Variants in PCSK2 observed in about 807,000 individuals in gnomAD.
The protein encoded by PCSK2 is proprotein convertase subtilisin/kexin type 2.
A neutral mutation model predicts 69.7 loss-of-function variants in PCSK2; 14 were observed. The ratio of observed to expected loss-of-function variants is 0.20; its 90% CI spans 0.13 to 0.31. The LOEUF is 0.31. Ranked by LOEUF, PCSK2 falls within the 10% of genes least tolerant of loss-of-function variation. The pLI, the probability that PCSK2 is intolerant of heterozygous loss-of-function variation, is 1.00. For missense variants in PCSK2, 544 were observed against 842.5 expected (o/e 0.65, Z 4.39); for synonymous variants, 307 against 320.7 (o/e 0.96, Z 0.46).
chr20:17,256,901 T>C (rs536151450), intron 1 of PCSK2, among the ~76,000 whole-genome samples: 6 of 152,274 alleles, frequency 3.9e-5, no homozygotes, highest in African/African-American at 1.4e-4. Context: ...GTTAGTTGAC[T>C]GAGAATGATG....
intron 2 of PCSK2, among the ~76,000 whole-genome samples, chr20:17,311,564 G>A (rs946988712): frequency 7.9e-5 from 12 of 152,124 alleles, no homozygotes; most frequent in Admixed American, 5.9e-4. Flanking sequence ...ACATGAAGAA[G>A]TTCTCAGCTT....
At chr20:17,350,037 C>CA (rs1318612883) in intron 2 of PCSK2, among the ~76,000 whole-genome samples, 1 of 151,706 alleles carries the variant, frequency 6.6e-6, no homozygotes, top group Non-Finnish European at 1.5e-5. Context: ...ACATGCCTTT[C>CA]ACTCTGTGTG....
At chr20:17,468,475 C>T (rs538542130) in intron 11 of PCSK2, among the ~76,000 whole-genome samples, 26 of 149,482 alleles carry the variant, frequency 1.7e-4, no homozygotes, top group Non-Finnish European at 3.4e-4. Flanking sequence ...TGTAGACAGG[C>T]AGCCTACCAT....
chr20:17,437,783 G>A (rs574849518), intron 8 of PCSK2, among the ~76,000 whole-genome samples: 6 of 152,326 alleles, frequency 3.9e-5, no homozygotes, highest in Admixed American at 2.0e-4. Flanking sequence ...AATTTGGACC[G>A]GGCACACTGG....
chr20:17,444,392 T>C (rs2032657400), intron 8 of PCSK2, among the ~76,000 whole-genome samples: 1 of 152,228 alleles, frequency 6.6e-6, no homozygotes, highest in African/African-American at 2.4e-5. Flanking sequence ...CTTAGGGATT[T>C]GAAGTTTGCA....
At position 17,469,942 on chromosome 20, in the gene PCSK2, T is replaced by C. The variant is rs114890364; in HGVS notation, c.1430+4389T>C. Among the ~76,000 whole-genome samples the C allele has an allele frequency of 8.9e-3, 1,357 of 152,118 alleles. 21 individuals carry two copies. The highest frequency in any genetic ancestry group is 0.031 in the African/African-American group (1,289 of 41,484). ...GATTCTGAAACACCCACCTAGTGGGTGCTCCCATCTCCCAAACCCCATCAC... is the reference window on the plus strand; with the variant it reads ...GATTCTGAAACACCCACCTAGTGGGCGCTCCCATCTCCCAAACCCCATCAC... On this transcript the variant is annotated intron_variant, in intron 11 of 11. Transcript: ENST00000262545.
chr20:17,404,332 G>A (rs923990220), intron 5 of PCSK2, among the ~76,000 whole-genome samples: 4 of 152,154 alleles, frequency 2.6e-5, no homozygotes, highest in Admixed American at 6.5e-5. Flanking sequence ...TCTTTCTTAT[G>A]GCAAGTAACT....
At chr20:17,302,245 C>T (rs1211848558) in intron 2 of PCSK2, among the ~76,000 whole-genome samples, 1 of 152,120 alleles carries the variant, frequency 6.6e-6, no homozygotes, top group Non-Finnish European at 1.5e-5. Flanking sequence ...ACCCTATATC[C>T]ACTCAACAAC....
intron 1 of PCSK2, among the ~76,000 whole-genome samples, chr20:17,242,052 A>G (rs1986597151): frequency 2.0e-5 from 3 of 152,210 alleles, no homozygotes; most frequent in African/African-American, 7.2e-5. Context: ...TTCAGTTCTT[A>G]GGGGGTACAT....
intron 2 of PCSK2, among the ~76,000 whole-genome samples, chr20:17,280,225 G>A (rs943223257): frequency 1.3e-5 from 2 of 152,108 alleles, no homozygotes; most frequent in African/African-American, 4.8e-5. Flanking sequence ...GTATATCTTA[G>A]AGAATTTGAC....
intron 1 of PCSK2, among the ~76,000 whole-genome samples, chr20:17,245,404 GC>G (rs1471003359): frequency 6.6e-6 from 1 of 152,162 alleles, no homozygotes; most frequent in Non-Finnish European, 1.5e-5. Context: ...GGTTATTCTA[GC>G]TTTTTAAAGG....
At chr20:17,428,738 G>C (rs1600572319) in intron 6 of PCSK2, among the ~76,000 whole-genome samples, 1 of 151,988 alleles carries the variant, frequency 6.6e-6, no homozygotes, top group African/African-American at 2.4e-5. Context: ...GCAGCTCACA[G>C]CTGTAATCCC....
chr20:17,380,749 C>G (rs1457738377), intron 5 of PCSK2, among the ~76,000 whole-genome samples: 1 of 152,218 alleles, frequency 6.6e-6, no homozygotes, highest in Non-Finnish European at 1.5e-5. Flanking sequence ...AGTCTGTTCT[C>G]TTAGCCTCCC....
Position 17,437,592 on chromosome 20 carries a change from G to A in PCSK2, c.885+709G>A, listed in dbSNP as rs572531762. On this transcript the variant is annotated intron_variant, in intron 8 of 11. Transcript: ENST00000262545. ...AGTGACTTAGCCTCGCCTGTAAAAC[G>A]GTGATAATGAGGGGTCACTATGATG... 3.9e-5 allele frequency among the ~76,000 whole-genome samples: 6 copies of A among 152,256 alleles called. No individual in the cohort carries two copies. The East Asian group carries it at 5.8e-4, about 15-fold the overall frequency.
intron 11 of PCSK2, among the ~76,000 whole-genome samples, chr20:17,477,032 A>C (rs2033302973): frequency 6.6e-6 from 1 of 152,204 alleles, no homozygotes; most frequent in African/African-American, 2.4e-5. Flanking sequence ...GTACTCCATG[A>C]AACCGTTTAA....
Position 17,453,716 on chromosome 20 carries a change from G to T in PCSK2, c.886-26G>T, listed in dbSNP as rs759256403. ...CCTCGCAGCCCAGGCTGTGGGTAGC[G>T]GCAGCGTCTCCCCTGCTCTCCCCAG... On this transcript the variant is annotated intron_variant, in intron 8 of 11. Transcript: ENST00000262545. The surrounding 1 kb of genome is among the most constrained non-coding windows in gnomAD (Gnocchi z 4.0). 6.2e-7 allele frequency: 1 copy of T among 1,609,116 alleles called. No individual in the cohort carries two copies.
In PCSK2 at chr20:17,370,147, A is replaced by C. The variant is rs77023406; in HGVS notation, c.543+870A>C. On this transcript the variant is annotated intron_variant, in intron 5 of 11. Coordinates refer to ENST00000262545, the MANE Select transcript of PCSK2 (RefSeq NM_002594.5). Reference sequence around the variant, plus strand: ...TTCAAGCATTGGTGCGTTCACTTAAAATTATCCAAACTATTTCTAAGCTAT... The same window carrying C: ...TTCAAGCATTGGTGCGTTCACTTAACATTATCCAAACTATTTCTAAGCTAT... Among the ~76,000 whole-genome samples, 582 of 152,326 alleles carry C rather than the reference A, an allele frequency of 3.8e-3. 14 individuals carry two copies. In the East Asian group the frequency reaches 0.05, roughly 13 times the overall value.
intron 1 of PCSK2, among the ~76,000 whole-genome samples, chr20:17,253,048 G>A (rs555377047): frequency 5.9e-5 from 9 of 151,802 alleles, no homozygotes; most frequent in Non-Finnish European, 1.2e-4. Context: ...AACCTTATAG[G>A]GAAACTTTTC....
intron 11 of PCSK2, among the ~76,000 whole-genome samples, chr20:17,480,090 C>T (rs1292888243): frequency 2.0e-5 from 3 of 151,926 alleles, no homozygotes; most frequent in Non-Finnish European, 4.4e-5. Context: ...TGGGCTTAAC[C>T]TCGCTCCAAC....
Sources: allele counts gnomAD v4.1 joint callset (sites outside exome capture counted in the v4.1 genomes callset), GRCh38; gene constraint gnomAD v4.1.1; non-coding constraint Gnocchi (gnomAD v3.1); transcripts MANE v1.5; gene names NCBI Gene and HGNC (gene_info 2026-07-23, HGNC 2026-07-21).